Variants in SETMAR observed in about 807,000 individuals in gnomAD.
SETMAR encodes histone-lysine N-methyltransferase SETMAR.
SETMAR carries 44 observed loss-of-function variants against 58.4 expected under a neutral mutation model. That is an observed-to-expected ratio of 0.75 (90% confidence interval 0.59 to 0.97). The LOEUF (loss-of-function observed/expected upper bound fraction) is 0.97, where lower values mean the gene tolerates loss of function less well. Among genes scored for constraint, SETMAR ranks in the 50% least tolerant of loss-of-function variants. SETMAR has a pLI of 0.00. For synonymous variants in SETMAR, 332 were observed against 307.4 expected, an observed-to-expected ratio of 1.08 and a Z score of -0.84; for missense variants, 903 against 840.2, an observed-to-expected ratio of 1.07 and a Z score of -0.92.
At chr3:4,303,821 A>G (rs943756923) in intron 1 of SETMAR, 14 of 1,371,976 alleles carry the variant, frequency 1.0e-5, no homozygotes, top group African/African-American at 1.5e-5. Flanking sequence ...TCAAGGAGGC[A>G]TCACGGGGGG....
chr3:4,317,215 G>A lies in SETMAR; in HGVS notation c.2024G>A (p.Cys675Tyr). Reference protein sequence around the residue: ...INQLISRWQKCVDCNGSYFD With the variant: ...INQLISRWQKYVDCNGSYFD ...CAACTTATTTCTCGTTGGCAAAAAT[G>A]TGTTGATTGTAATGGTTCCTATTTT... is the stretch of plus-strand genomic sequence containing the variant. The change falls in exon 3 of 3, where the codon TGT becomes TAT. Residue 675 changes from cysteine to tyrosine, a missense_variant. Coordinates refer to ENST00000358065, the MANE Select transcript of SETMAR (RefSeq NM_006515.4). 3 of 1,546,426 alleles carry A rather than the reference G, an allele frequency of 1.9e-6. No individual in the cohort carries two copies. Among genetic ancestry groups the A allele is most frequent in the Non-Finnish European group, 2.6e-6 (3 of 1,145,582 alleles).
rs1698486710 is a variant in SETMAR at position 4,313,182 on chromosome 3, T to C, written c.441T>C (p.His147=). 9 of 1,614,002 alleles carry C rather than the reference T, an allele frequency of 5.6e-6. No homozygotes were observed. Among genetic ancestry groups the C allele is most frequent in the Non-Finnish European group, 7.6e-6 (9 of 1,179,970 alleles). The change falls in exon 2 of 3, where the codon CAT becomes CAC. Residue 147 remains histidine (H), a synonymous_variant. Transcript: ENST00000358065. ...TCCACTTCCAAGTGTTCAAGACGCA[T>C]AAAAAAGGCTGGGGACTTCGTACCT... ...LQFHFQVFKT[H]KKGWGLRTLE...
At chr3:4,315,273 C>G (rs1178194826) in intron 2 of SETMAR, among the ~76,000 whole-genome samples, 1 of 152,122 alleles carries the variant, frequency 6.6e-6, no homozygotes, top group Non-Finnish European at 1.5e-5. Flanking sequence ...TGCTCACAAG[C>G]TCACCTAATA....
chr3:4,304,775 A>C (rs923372481), intron 1 of SETMAR, among the ~76,000 whole-genome samples: 1 of 152,140 alleles, frequency 6.6e-6, no homozygotes, highest in Non-Finnish European at 1.5e-5. Context: ...ACTCTAAAAT[A>C]TTTGAAGAGA....
chr3:4,312,485 A>G (rs1333375125), intron 1 of SETMAR, among the ~76,000 whole-genome samples: 2 of 152,116 alleles, frequency 1.3e-5, no homozygotes, highest in Non-Finnish European at 2.9e-5. Flanking sequence ...ACATACTATT[A>G]TATACATTAA....
chr3:4,311,176 C>G (rs1698390585), intron 1 of SETMAR, among the ~76,000 whole-genome samples: 1 of 152,204 alleles, frequency 6.6e-6, no homozygotes, highest in African/African-American at 2.4e-5. Context: ...TCATCTTTCA[C>G]AAGAGGATGT....
chr3:4,310,146 A>G (rs551338788), intron 1 of SETMAR, among the ~76,000 whole-genome samples: 1 of 152,346 alleles, frequency 6.6e-6, no homozygotes, highest in East Asian at 1.9e-4. Flanking sequence ...CTACCATTGT[A>G]TATGCATATA....
chr3:4,310,850 T>G (rs1406731222), intron 1 of SETMAR, among the ~76,000 whole-genome samples: 5 of 152,168 alleles, frequency 3.3e-5, no homozygotes, highest in Admixed American at 3.3e-4. Context: ...CAAATCAACT[T>G]AAAAGTTTAA....
chr3:4,316,496 A>G lies in SETMAR; in HGVS notation c.1305A>G (p.Glu435=). The change falls in exon 3 of 3, where the codon GAA becomes GAG. Residue 435 remains glutamate (E), a synonymous_variant. Coordinates refer to ENST00000358065, the MANE Select transcript of SETMAR (RefSeq NM_006515.4). ...PLTTTREVAE[E]LNVNHSTVVR... is the part of the protein sequence containing the mutation. ...CAACTACACGAGAAGTTGCTGAAGA[A>G]CTCAATGTCAACCATTCTACGGTCG... The G allele has an allele frequency of 6.2e-7, 1 of 1,600,158 alleles. No homozygotes were observed. The highest frequency in any genetic ancestry group is 8.5e-7 in the Non-Finnish European group (1 of 1,173,032).
chr3:4,308,582 C>T (rs893905070), intron 1 of SETMAR, among the ~76,000 whole-genome samples: 2 of 152,164 alleles, frequency 1.3e-5, no homozygotes, highest in Admixed American at 6.5e-5. Flanking sequence ...TTATCCTTGT[C>T]TTATAGCTAC....
chr3:4,312,703 TA>T (rs375529794), intron 1 of SETMAR, among the ~76,000 whole-genome samples, 194 bp from the exon 2 acceptor site: 393 of 135,844 alleles, frequency 2.9e-3, no homozygotes, highest in Admixed American at 8.6e-3. Flanking sequence ...CCCTGTCTCT[TA>T]AAAAAAAAAA....
Position 4,316,646 on chromosome 3 carries a change from C to T in SETMAR, c.1455C>T (p.Asn485=), listed in dbSNP as rs568390003. 9.5e-5 allele frequency: 147 copies of T among 1,551,250 alleles called. 1 individual carries two copies. The Middle Eastern group carries it at 1.3e-3, about 14-fold the overall frequency. Residue 485 remains asparagine (N), a synonymous_variant, in exon 3 of 3, where the codon AAC becomes AAT. Transcript: ENST00000358065. ...VSSSLILRNH[N]EPFLDRIVTC... is the part of the protein sequence containing the mutation. ...CTTCTCTTATTCTACGCAACCACAA[C>T]GAACCATTTCTCGATCGGATTGTGA...
chr3:4,313,232 T>C lies in SETMAR; in HGVS notation c.491T>C (p.Phe164Ser). The C allele has an allele frequency of 6.2e-7, 1 of 1,613,930 alleles. No individual in the cohort carries two copies. Among genetic ancestry groups the C allele is most frequent in the African/African-American group, 1.3e-5 (1 of 75,024 alleles). Residue 164 changes from phenylalanine to serine, a missense_variant, in exon 2 of 3, where the codon TTT (phenylalanine) becomes TCT (serine). Physicochemically the swap from Phe to Ser is radical, Grantham distance 155 (BLOSUM62 -2). Coordinates refer to ENST00000358065, the MANE Select transcript of SETMAR (RefSeq NM_006515.4). ...TTGGAATTTATACCGAAAGGAAGGT[T>C]TGTCTGTGAATATGCTGGTGAGGTT... Reference protein sequence around the residue: ...RTLEFIPKGRFVCEYAGEVLG... With the variant: ...RTLEFIPKGRSVCEYAGEVLG...
chr3:4,303,592 G>A (rs1285096551), intron 1 of SETMAR, 66 bp downstream of exon 1: 1 of 1,374,578 alleles, frequency 7.3e-7, no homozygotes, highest in Non-Finnish European at 9.4e-7. Flanking sequence ...TCCTCAAGCC[G>A]CCTCGCTGGG....
rs751079564 is a variant in SETMAR, at chr3:4,316,479, C to T, written c.1288C>T (p.Arg430Ter). The T allele has an allele frequency of 1.9e-5, 30 of 1,603,306 alleles. No individual in the cohort carries two copies. The highest frequency in any genetic ancestry group is 5.4e-5 in the African/African-American group (4 of 74,642). The change falls in exon 3 of 3, where the codon CGA becomes TGA. Residue 430 changes from arginine (R) to a stop codon, truncating the protein, a stop_gained. Transcript: ENST00000358065. LOFTEE classifies it high-confidence loss of function. ...CGAAGCTGATCCCCTTACAACTACACGAGAAGTTGCTGAAGAACTCAATGT... is the reference window on the plus strand; with the variant it reads ...CGAAGCTGATCCCCTTACAACTACATGAGAAGTTGCTGAAGAACTCAATGT... ...IIEADPLTTT[R>*]EVAEELNVNH...
intron 1 of SETMAR, among the ~76,000 whole-genome samples, chr3:4,307,361 A>G (rs1698231305): frequency 6.6e-6 from 1 of 152,160 alleles, no homozygotes; most frequent in South Asian, 2.1e-4. Flanking sequence ...TCACCATGCC[A>G]CACTCGAAAC....
chr3:4,316,311 A>G lies in SETMAR; in HGVS notation c.1120A>G (p.Asn374Asp). 1 of 1,151,868 alleles carries G rather than the reference A, an allele frequency of 8.7e-7. No individual in the cohort carries two copies. The highest frequency in any genetic ancestry group is 1.3e-6 in the Non-Finnish European group (1 of 794,812). 71.4% of individuals were successfully genotyped at this position (1,151,868 alleles called of 1,614,324 possible). ...KAAETTRNIN[N>D]AFGPGTANER... ...AGCAGAAACAACTCGCAACATCAACAATGCATTTGGCCCAGGAACTGCTAA... is the reference window on the plus strand; with the variant it reads ...AGCAGAAACAACTCGCAACATCAACGATGCATTTGGCCCAGGAACTGCTAA... Residue 374 changes from asparagine (N) to aspartate (D), a missense_variant, in exon 3 of 3, where the codon AAT (asparagine) becomes GAT (aspartate). Coordinates refer to ENST00000358065, the MANE Select transcript of SETMAR (RefSeq NM_006515.4).
intron 1 of SETMAR, among the ~76,000 whole-genome samples, chr3:4,304,777 T>C (rs1412485848): frequency 6.6e-6 from 1 of 152,076 alleles, no homozygotes; most frequent in Non-Finnish European, 1.5e-5. Context: ...TCTAAAATAT[T>C]TGAAGAGATT....
intron 1 of SETMAR, among the ~76,000 whole-genome samples, chr3:4,306,352 G>A (rs1698190558): frequency 6.6e-6 from 1 of 151,968 alleles, no homozygotes; most frequent in African/African-American, 2.4e-5. Context: ...AAAATCATGA[G>A]GTTTTCTATT....
Sources: allele counts gnomAD v4.1 joint callset (sites outside exome capture counted in the v4.1 genomes callset), GRCh38; gene constraint gnomAD v4.1.1; transcripts MANE v1.5; gene names NCBI Gene and HGNC (gene_info 2026-07-23, HGNC 2026-07-21).